The following FRMD6 variants were observed in gnomAD, a reference collection of about 807,000 sequenced individuals.
FRMD6 encodes FERM domain containing 6, also known as FERM domain-containing protein 6.
A neutral mutation model predicts 73.2 loss-of-function variants in FRMD6; 37 were observed. The ratio of observed to expected loss-of-function variants is 0.51; its 90% CI spans 0.39 to 0.66. The LOEUF (loss-of-function observed/expected upper bound fraction) is 0.66, where lower values mean the gene tolerates loss of function less well. FRMD6 is among the 30% of genes least tolerant of loss of function. FRMD6 has a pLI of 0.00. For missense variants in FRMD6, 714 were observed against 780.5 expected (o/e 0.91, Z 1.02); for synonymous variants, 273 against 282.2 (o/e 0.97, Z 0.33).
intron 2 of FRMD6, among the ~76,000 whole-genome samples, chr14:51,597,940 A>T (rs1050167417): frequency 6.6e-6 from 1 of 152,202 alleles, no homozygotes. Flanking sequence ...GGAAACAAGG[A>T]TGATTCAAAA....
At chr14:51,647,805 G>C (rs1191965691), upstream of FRMD6, among the ~76,000 whole-genome samples, 1 of 152,068 alleles carries the variant, frequency 6.6e-6, no homozygotes, top group Admixed American at 6.5e-5. Context: ...ATGCTGGATA[G>C]CCCTGATTTA....
At chr14:51,721,824 G>A in intron 11 of FRMD6, 125 bp from the exon 12 acceptor site, 7 of 1,011,392 alleles carry the variant, frequency 6.9e-6, no homozygotes, top group Non-Finnish European at 1.0e-5. Context: ...TTTCCTATTG[G>A]AGTCTCATTA....
In FRMD6 at chr14:51,698,175, G is replaced by A. The variant is rs777072709; in HGVS notation, c.133G>A (p.Val45Ile). 1 of 1,612,568 alleles carries A rather than the reference G, an allele frequency of 6.2e-7. No individual in the cohort carries two copies. The highest frequency in any genetic ancestry group is 1.1e-5 in the South Asian group (1 of 90,998). Reference protein sequence around the residue: ...KILCHQLLVQVCDLLRLKDCH... With the variant: ...KILCHQLLVQICDLLRLKDCH... ...TCTGTGTCACCAGTTGCTGGTCCAG[G>A]TTTGTGACCTGCTCAGGCTAAAGGA... The change falls in exon 3 of 14, where the codon GTT becomes ATT. Residue 45 changes from valine (V) to isoleucine (I), a missense_variant. Val to Ile is a conservative substitution (Grantham distance 29, BLOSUM62 3). Coordinates refer to ENST00000344768, the MANE Select transcript of FRMD6 (RefSeq NM_001267046.2).
intron 2 of FRMD6, among the ~76,000 whole-genome samples, chr14:51,611,690 G>C (rs1890509670): frequency 6.6e-6 from 1 of 152,216 alleles, no homozygotes; most frequent in East Asian, 1.9e-4. Flanking sequence ...CATGCTGTCA[G>C]TCTGGGGCTC....
rs191735841 is a variant in FRMD6 at position 51,675,132 on chromosome 14, G to A, written c.-146-14559G>A. 3.9e-5 allele frequency among the ~76,000 whole-genome samples: 6 copies of A among 152,242 alleles called. 1 individual carries two copies. In the East Asian group the frequency reaches 1.2e-3, roughly 29 times the overall value. On this transcript the variant is annotated intron_variant, in intron 1 of 13. Transcript: ENST00000344768. ...GATTCCACACTTGGTGTAACTGGCA[G>A]ATTCATGGTAGTTATCTTCTAGAAG...
At chr14:51,724,850 T>C (rs1030952743) in intron 12 of FRMD6, among the ~76,000 whole-genome samples, 19 of 152,204 alleles carry the variant, frequency 1.2e-4, no homozygotes, top group Admixed American at 1.2e-3. Context: ...CTAGTTCTTA[T>C]TGGTAATTTT....
chr14:51,488,103 C>G (rs1392530036), upstream of FRMD6, among the ~76,000 whole-genome samples: 3 of 152,302 alleles, frequency 2.0e-5, no homozygotes, highest in South Asian at 6.2e-4. Flanking sequence ...ACCAGCAGCC[C>G]TAGGCTCTGC....
At chr14:51,639,251 C>T (rs1384782049) in intron 2 of FRMD6, among the ~76,000 whole-genome samples, 6 of 151,948 alleles carry the variant, frequency 3.9e-5, no homozygotes, top group South Asian at 2.1e-4. Flanking sequence ...CTGACCAACA[C>T]GGTGAAACCC....
the FRMD6 span, among the ~76,000 whole-genome samples, chr14:51,408,146 A>T: frequency 6.6e-6 from 1 of 150,978 alleles, no homozygotes; most frequent in Admixed American, 6.6e-5. Flanking sequence ...GTATTGGAAA[A>T]TTCTCAGCTA....
At chr14:51,665,409 T>C (rs1367750276) in intron 1 of FRMD6, among the ~76,000 whole-genome samples, 1 of 151,588 alleles carries the variant, frequency 6.6e-6, no homozygotes, top group Non-Finnish European at 1.5e-5. Context: ...TAGATACTTA[T>C]TTTTTTTTCT....
chr14:51,402,454 G>T, the FRMD6 span, among the ~76,000 whole-genome samples: 4 of 152,028 alleles, frequency 2.6e-5, no homozygotes, highest in Admixed American at 2.6e-4. Context: ...AGATCTGAAG[G>T]TTTTAAAAAC....
chr14:51,693,865 G>A (rs182520248), intron 2 of FRMD6, among the ~76,000 whole-genome samples: 24 of 152,272 alleles, frequency 1.6e-4, no homozygotes, highest in Non-Finnish European at 2.4e-4. Flanking sequence ...ACTAGGTTAC[G>A]TAGGATGGAG....
intron 1 of FRMD6, among the ~76,000 whole-genome samples, chr14:51,543,847 G>A (rs1596565407): frequency 2.0e-5 from 3 of 151,970 alleles, no homozygotes; most frequent in Non-Finnish European, 2.9e-5. Flanking sequence ...AGCGTGGACC[G>A]AACTAGAATA....
chr14:51,504,583 T>C (rs1883838194), intron 1 of FRMD6, among the ~76,000 whole-genome samples: 1 of 152,218 alleles, frequency 6.6e-6, no homozygotes, highest in African/African-American at 2.4e-5. Context: ...TGACTAGAAA[T>C]TGCTCCTTTT....
Position 51,564,010 on chromosome 14 carries a change from C to T in FRMD6, c.-209-6338C>T, listed in dbSNP as rs146773420. On this transcript the variant is annotated intron_variant, in intron 1 of 14. Transcript: ENST00000356218. ...ATTACCATTTCTAAAGTTTTTATTA[C>T]GGAAAATTTCTTTCTGGGTATGCAG... Among the ~76,000 whole-genome samples, 332 of 152,246 alleles carry T rather than the reference C, an allele frequency of 2.2e-3. 2 individuals carry two copies. Among genetic ancestry groups the T allele is most frequent in the African/African-American group, 7.5e-3 (313 of 41,550 alleles).
the FRMD6 span, among the ~76,000 whole-genome samples, chr14:51,429,910 C>T: frequency 4.6e-5 from 7 of 152,152 alleles, no homozygotes; most frequent in Admixed American, 2.6e-4. Context: ...CTTGATTGCC[C>T]TGACTCAGTC....
intron 2 of FRMD6, among the ~76,000 whole-genome samples, chr14:51,582,311 G>A (rs1010304157): frequency 4.6e-5 from 7 of 152,134 alleles, no homozygotes; most frequent in African/African-American, 9.7e-5. Context: ...GACCTTGTCC[G>A]TCAGGATAGT....
chr14:51,714,930 T>C (rs1280668055), intron 9 of FRMD6: 1 of 153,274 alleles, frequency 6.5e-6, no homozygotes, highest in Non-Finnish European at 1.5e-5. Flanking sequence ...ATTTTAGAAT[T>C]GGTAAATAAT....
chr14:51,601,603 T>C (rs1890040440), intron 2 of FRMD6, among the ~76,000 whole-genome samples: 1 of 152,326 alleles, frequency 6.6e-6, no homozygotes, highest in Non-Finnish European at 1.5e-5. Context: ...GAACTCCCTC[T>C]AAGCTCAAGT....
Sources: gnomAD v4.1 joint callset for allele counts (sites outside exome capture counted in the v4.1 genomes callset) on GRCh38, gnomAD v4.1.1 for gene constraint, MANE v1.5 for transcripts, NCBI Gene and HGNC (gene_info 2026-07-23, HGNC 2026-07-21) for gene names.